C10orf67: variants seen among roughly 807,000 people sequenced by gnomAD.
The protein encoded by C10orf67 is chromosome 10 open reading frame 67, also known as uncharacterized protein C10orf67, mitochondrial.
In C10orf67, 60 loss-of-function variants were observed where a neutral mutation model predicts 35.6. The ratio of observed to expected loss-of-function variants is 1.68; its 90% confidence interval spans 1.37 to 2.09. The LOEUF (loss-of-function observed/expected upper bound fraction) is 2.09. C10orf67 is among the 30% of genes most tolerant of loss of function. The probability of loss-of-function intolerance (pLI) is 0.00; values close to 1 mark genes in which losing one functional copy is unlikely to be tolerated. For missense variants in C10orf67, 474 were observed against 330.2 expected (o/e 1.44, Z -3.38); for synonymous variants, 167 against 115.8 (o/e 1.44, Z -2.84).
chr10:23,236,253 G>GAAAAAAAAAAAAAAA (rs368833212), intron 13 of C10orf67, among the ~76,000 whole-genome samples: 1 of 75,802 alleles, frequency 1.3e-5, no homozygotes, highest in African/African-American at 6.0e-5. Flanking sequence ...CCTCTCGGGG[G>GAAAAAAAAAAAAAAA]AAAAAAAAAA....
Position 23,211,527 on chromosome 10 carries a change from G to A in C10orf67, c.1571-7272C>T, listed in dbSNP as rs1841307927. Among the ~76,000 whole-genome samples the A allele has an allele frequency of 2.0e-5, 3 of 151,758 alleles. No homozygotes were observed. In the South Asian group the frequency reaches 6.2e-4, roughly 32 times the overall value. On this transcript the variant is annotated intron_variant, in intron 15 of 15. Coordinates refer to ENST00000636213, the MANE Select transcript of C10orf67 (RefSeq NM_001371909.1). ...AACCCGTAACACACACTTTTCCAGA[G>A]AAGGCAACTTACTGCCTAGGTTACA...
intron 2 of C10orf67, among the ~76,000 whole-genome samples, chr10:23,324,669 T>C (rs902874153): frequency 6.6e-6 from 1 of 152,168 alleles, no homozygotes; most frequent in Admixed American, 6.5e-5. Flanking sequence ...TTGAGGAGGA[T>C]TGCTTCTGCT....
Position 23,218,307 on chromosome 10 carries a change from A to ATTTTT in C10orf67, c.1570+5286_1570+5290dup, listed in dbSNP as rs371926193. Among the ~76,000 whole-genome samples, 39 of 119,078 alleles carry ATTTTT rather than the reference A, an allele frequency of 3.3e-4. No homozygotes were observed. In the East Asian group the frequency reaches 4.3e-3, roughly 13 times the overall value. 78.1% of individuals were successfully genotyped at this position (119,078 alleles called of 152,430 possible). A position where few individuals can be genotyped will look rare whatever the true frequency, so the allele number is the denominator to read the frequency against. ...AGGTTCACATCACTACACGAGGCTA[A>ATTTTT]TTTTTTTTTTTTTTTTTTTTTGTAG... On this transcript the variant is annotated intron_variant, in intron 15 of 15. Coordinates refer to ENST00000636213, the MANE Select transcript of C10orf67 (RefSeq NM_001371909.1).
intron 15 of C10orf67, among the ~76,000 whole-genome samples, chr10:23,223,090 T>TA (rs397811695): frequency 1.3e-4 from 20 of 151,976 alleles, no homozygotes; most frequent in African/African-American, 4.1e-4. Flanking sequence ...TTTTTTTTTT[T>TA]AAATTTAAAG....
chr10:23,205,360 CAGG>C (rs1320707834), intron 15 of C10orf67, among the ~76,000 whole-genome samples: 4 of 152,186 alleles, frequency 2.6e-5, no homozygotes, highest in African/African-American at 7.2e-5. Context: ...CCAGAAACTC[CAGG>C]AGGCTGCATT....
At chr10:23,317,691 A>T (rs1397686732) in intron 4 of C10orf67, 1 of 152,230 alleles carries the variant, frequency 6.6e-6, no homozygotes, top group Non-Finnish European at 1.5e-5. Flanking sequence ...TAAAATAAAC[A>T]CAAGAATTTA....
intron 13 of C10orf67, among the ~76,000 whole-genome samples, chr10:23,224,665 G>A (rs1423984403): frequency 6.6e-6 from 1 of 152,134 alleles, no homozygotes; most frequent in Non-Finnish European, 1.5e-5. Context: ...AGAATAACTA[G>A]TGTAGAGAAG....
intron 10 of C10orf67, chr10:23,258,157 T>A (rs1842653971): frequency 1.3e-5 from 2 of 153,346 alleles, no homozygotes; most frequent in South Asian, 4.0e-4. Flanking sequence ...GGGCGAGCTC[T>A]TGGTGCACTG....
In C10orf67 at chr10:23,292,161, T is replaced by C. The variant is rs968875197; in HGVS notation, c.703-882A>G. On this transcript the variant is annotated intron_variant, in intron 5 of 15. Transcript: ENST00000636213. ...CGCGCTTATTGGGACAGCTACTCTTTTTTTTTTTTTTTTTTTTGCCTTCTT... is the reference window on the plus strand; with the variant it reads ...CGCGCTTATTGGGACAGCTACTCTTCTTTTTTTTTTTTTTTTTGCCTTCTT... 4.7e-5 allele frequency among the ~76,000 whole-genome samples: 7 copies of C among 147,908 alleles called. No individual in the cohort carries two copies. The South Asian group carries it at 1.5e-3, about 32-fold the overall frequency.
At chr10:23,303,541 A>C in intron 4 of C10orf67, 82 bp from the exon 5 acceptor site, 1 of 434,018 alleles carries the variant, frequency 2.3e-6, no homozygotes, top group Non-Finnish European at 4.2e-6. Flanking sequence ...GACACTCAGC[A>C]TTAAAAATTA....
intron 7 of C10orf67, among the ~76,000 whole-genome samples, chr10:23,284,248 A>G (rs1385709991): frequency 1.3e-5 from 2 of 148,740 alleles, no homozygotes; most frequent in East Asian, 2.0e-4. Flanking sequence ...CTGCCCCACT[A>G]CAGATTCTTC....
At chr10:23,310,762 G>A (rs561863738) in intron 4 of C10orf67, among the ~76,000 whole-genome samples, 4 of 152,294 alleles carry the variant, frequency 2.6e-5, no homozygotes, top group African/African-American at 9.6e-5. Flanking sequence ...GCTCAAAGGA[G>A]AAATACTCTC....
chr10:23,329,812 A>AAAAAAAAAAAAAG (rs905791499), intron 2 of C10orf67, among the ~76,000 whole-genome samples: 2 of 148,504 alleles, frequency 1.3e-5, no homozygotes, highest in African/African-American at 5.0e-5. Context: ...AAAAAAAAAA[A>AAAAAAAAAAAAAG]AAAAGAAAAG....
At chr10:23,221,664 T>C (rs1249463300) in intron 15 of C10orf67, among the ~76,000 whole-genome samples, 1 of 152,230 alleles carries the variant, frequency 6.6e-6, no homozygotes, top group East Asian at 1.9e-4. Flanking sequence ...CCTTTAAATG[T>C]CCAGCCTGAA....
intron 4 of C10orf67, among the ~76,000 whole-genome samples, chr10:23,308,562 G>A (rs1188333492): frequency 2.6e-5 from 4 of 151,978 alleles, no homozygotes; most frequent in Admixed American, 6.6e-5. Context: ...GAAACACCAC[G>A]TTGCCACAGG....
intron 8 of C10orf67, among the ~76,000 whole-genome samples, chr10:23,278,347 A>T (rs1843257819): frequency 6.6e-6 from 1 of 152,236 alleles, no homozygotes. Context: ...GCTGTGTCAC[A>T]TGTGTATTAA....
intron 4 of C10orf67, chr10:23,317,917 G>A (rs1844790051): frequency 1.3e-5 from 2 of 151,306 alleles, no homozygotes; most frequent in African/African-American, 4.9e-5. Context: ...GGATAACATA[G>A]CAAGATCCCA....
intron 5 of C10orf67, among the ~76,000 whole-genome samples, chr10:23,292,299 A>T (rs1303727093): frequency 6.6e-6 from 1 of 151,098 alleles, no homozygotes; most frequent in Non-Finnish European, 1.5e-5. Context: ...TGGATTGGGG[A>T]AGCTGGTGCA....
At chr10:23,263,386 A>C (rs922258181) in intron 10 of C10orf67, among the ~76,000 whole-genome samples, 6 of 152,284 alleles carry the variant, frequency 3.9e-5, no homozygotes, top group Non-Finnish European at 7.4e-5. Context: ...TCTATATCCC[A>C]TAATAACAAT....
Sources: gnomAD v4.1 joint callset for allele counts (sites outside exome capture counted in the v4.1 genomes callset) on GRCh38, gnomAD v4.1.1 for gene constraint, MANE v1.5 for transcripts, NCBI Gene and HGNC (gene_info 2026-07-23, HGNC 2026-07-21) for gene names.